CCDC201: variants seen among roughly 807,000 people sequenced by gnomAD.
CCDC201 encodes coiled-coil domain containing 201.
At chr7:45,873,528 A>T (rs1786764897), upstream of CCDC201, among the ~76,000 whole-genome samples, 1 of 152,142 alleles carries the variant, frequency 6.6e-6, no homozygotes, top group Non-Finnish European at 1.5e-5. Context: ...AACCTCCTGG[A>T]GGGCTTGTTA....
chr7:45,882,318 T>A, the CCDC201 span, among the ~76,000 whole-genome samples: 1 of 152,236 alleles, frequency 6.6e-6, no homozygotes, highest in Non-Finnish European at 1.5e-5. Context: ...GCCACCGTGC[T>A]GCTCAGGATG....
chr7:45,862,875 C>T (rs1317168135), exon 3 of CCDC201: 1 of 152,314 alleles, frequency 6.6e-6, no homozygotes, highest in Non-Finnish European at 1.5e-5. Flanking sequence ...TTTAACCTGC[C>T]ACCTCTGCTG....
the CCDC201 span, among the ~76,000 whole-genome samples, chr7:45,881,508 C>T: frequency 1.6e-4 from 25 of 152,232 alleles, no homozygotes; most frequent in African/African-American, 6.0e-4. Context: ...TGGTGTAGGG[C>T]CTGGGGATGG....
the CCDC201 span, among the ~76,000 whole-genome samples, chr7:45,879,203 T>C: frequency 6.6e-6 from 1 of 152,208 alleles, no homozygotes; most frequent in Non-Finnish European, 1.5e-5. Context: ...ATTAGCATTT[T>C]GGTCACAACT....
the CCDC201 span, among the ~76,000 whole-genome samples, chr7:45,879,992 A>G: frequency 6.6e-6 from 1 of 152,164 alleles, no homozygotes; most frequent in Non-Finnish European, 1.5e-5. Context: ...AGGCTGAGGC[A>G]GGAGAATCAC....
chr7:45,883,491 A>G, the CCDC201 span, among the ~76,000 whole-genome samples: 2 of 152,090 alleles, frequency 1.3e-5, no homozygotes, highest in South Asian at 4.2e-4. Context: ...GATATAACTG[A>G]GGCCAGAATG....
chr7:45,863,795 C>T (rs1382203495), intron 2 of CCDC201, among the ~76,000 whole-genome samples: 1 of 152,024 alleles, frequency 6.6e-6, no homozygotes, highest in African/African-American at 2.4e-5. Flanking sequence ...TCAGTGTCTT[C>T]CTAACGCCCT....
upstream of CCDC201, among the ~76,000 whole-genome samples, chr7:45,877,334 G>T (rs944167418): frequency 6.6e-6 from 1 of 152,112 alleles, no homozygotes; most frequent in African/African-American, 2.4e-5. Context: ...TGTGCTCTAG[G>T]TTTCTTTTGA....
exon 3 of CCDC201, chr7:45,862,696 C>G (rs1486168783): frequency 6.6e-6 from 1 of 152,228 alleles, no homozygotes; most frequent in Admixed American, 6.5e-5. Context: ...TACGGCCGCC[C>G]TCGCCTAGAC....
chr7:45,880,455 C>A, the CCDC201 span, among the ~76,000 whole-genome samples: 15 of 152,156 alleles, frequency 9.9e-5, no homozygotes. Flanking sequence ...CGGGTGATGG[C>A]ACCCCAGGTG....
chr7:45,870,307 C>T (rs575149722), intron 1 of CCDC201, among the ~76,000 whole-genome samples: 13 of 152,208 alleles, frequency 8.5e-5, no homozygotes, highest in African/African-American at 3.1e-4. Context: ...TGATATGACT[C>T]CTTTGGTAAG....
chr7:45,864,588 G>C (rs1488430290), intron 2 of CCDC201, among the ~76,000 whole-genome samples: 1 of 152,120 alleles, frequency 6.6e-6, no homozygotes, highest in East Asian at 1.9e-4. Context: ...CCTCCAAATC[G>C]GGAGGCAGCA....
At chr7:45,863,294 C>T (rs1186123696) in intron 2 of CCDC201, 123 bp from the exon 3 acceptor site, 1 of 152,238 alleles carries the variant, frequency 6.6e-6, no homozygotes, top group Non-Finnish European at 1.5e-5. Context: ...GCCCAGCCAG[C>T]CCTATACAAT....
exon 3 of CCDC201, chr7:45,863,021 G>C (rs970801790): frequency 6.6e-6 from 1 of 152,246 alleles, no homozygotes; most frequent in Non-Finnish European, 1.5e-5. Flanking sequence ...CCATGTGGAC[G>C]ATGAAGCCAG....
At chr7:45,872,772 C>T (rs537959143) in intron 1 of CCDC201, among the ~76,000 whole-genome samples, 5 of 152,144 alleles carry the variant, frequency 3.3e-5, no homozygotes, top group South Asian at 2.1e-4. Context: ...GCAAGGCTCC[C>T]GAGGACCCCA....
upstream of CCDC201, among the ~76,000 whole-genome samples, chr7:45,876,380 A>T (rs574924546): frequency 7.9e-5 from 12 of 152,180 alleles, no homozygotes; most frequent in Non-Finnish European, 2.9e-5. Flanking sequence ...CCATTTGCCA[A>T]TGGGAAAACT....
chr7:45,879,498 G>A, the CCDC201 span, among the ~76,000 whole-genome samples: 1 of 152,160 alleles, frequency 6.6e-6, no homozygotes, highest in African/African-American at 2.4e-5. Flanking sequence ...CAAGACCTCA[G>A]GAAACTTACA....
chr7:45,868,214 G>A (rs1786700827), intron 1 of CCDC201, among the ~76,000 whole-genome samples: 1 of 152,144 alleles, frequency 6.6e-6, no homozygotes, highest in Admixed American at 6.5e-5. Flanking sequence ...CCTGCAATTT[G>A]GTGCTAGCTA....
At chr7:45,878,309 T>C in the CCDC201 span, among the ~76,000 whole-genome samples, 2 of 152,238 alleles carry the variant, frequency 1.3e-5, no homozygotes, top group Non-Finnish European at 2.9e-5. Flanking sequence ...ACAGCTCTAC[T>C]GGGCAGTGCT....
Sources: gnomAD v4.1 joint callset for allele counts (sites outside exome capture counted in the v4.1 genomes callset) on GRCh38, gnomAD v4.1.1 for gene constraint, MANE v1.5 for transcripts, NCBI Gene and HGNC (gene_info 2026-07-23, HGNC 2026-07-21) for gene names.